Variants in DAAM1 observed in about 807,000 individuals in gnomAD.
The protein encoded by DAAM1 is disheveled-associated activator of morphogenesis 1.
A neutral mutation model predicts 130.0 loss-of-function variants in DAAM1; 52 were observed. The ratio of observed to expected loss-of-function variants is 0.40; its 90% CI spans 0.32 to 0.50. DAAM1 has a LOEUF of 0.50. Ranked by LOEUF, DAAM1 falls within the 20% of genes least tolerant of loss-of-function variation. The pLI is 0.61. For missense variants in DAAM1, 1,134 were observed against 1,303.8 expected, an observed-to-expected ratio of 0.87 and a Z score of 2.01; for synonymous variants, 452 against 444.5, an observed-to-expected ratio of 1.02 and a Z score of -0.21.
At chr14:59,266,440 A>G (rs1426300281) in intron 2 of DAAM1, among the ~76,000 whole-genome samples, 1 of 152,234 alleles carries the variant, frequency 6.6e-6, no homozygotes, top group African/African-American at 2.4e-5. Flanking sequence ...TCTTGAAGAC[A>G]GCTCATTGTT....
intron 1 of DAAM1, among the ~76,000 whole-genome samples, chr14:59,257,891 G>T (rs943396302): frequency 1.3e-5 from 2 of 152,046 alleles, no homozygotes; most frequent in African/African-American, 4.8e-5. Context: ...ACTTTGCAGG[G>T]CTGGTCCCAT....
chr14:59,227,267 T>C (rs1888970662), intron 1 of DAAM1, among the ~76,000 whole-genome samples: 1 of 152,166 alleles, frequency 6.6e-6, no homozygotes, highest in Non-Finnish European at 1.5e-5. Context: ...AAGGATGGTG[T>C]GGTGTACCTT....
intron 2 of DAAM1, among the ~76,000 whole-genome samples, chr14:59,283,791 C>G (rs1439346172): frequency 6.6e-6 from 1 of 152,104 alleles, no homozygotes; most frequent in Non-Finnish European, 1.5e-5. Flanking sequence ...TAACAAGATA[C>G]TGTGTAAGGT....
chr14:59,320,116 T>G (rs1566701358), intron 4 of DAAM1, among the ~76,000 whole-genome samples: 1 of 152,234 alleles, frequency 6.6e-6, no homozygotes, highest in Non-Finnish European at 1.5e-5. Flanking sequence ...GGCTGAGGAA[T>G]AGGAATGGTA....
intron 1 of DAAM1, among the ~76,000 whole-genome samples, chr14:59,201,747 T>A (rs968311355): frequency 6.7e-6 from 1 of 149,558 alleles, no homozygotes; most frequent in Non-Finnish European, 1.5e-5. Context: ...TGAGCCAAGA[T>A]GGTGTCACTC....
chr14:59,322,233 A>G (rs897078764), intron 5 of DAAM1, among the ~76,000 whole-genome samples: 1 of 152,126 alleles, frequency 6.6e-6, no homozygotes, highest in African/African-American at 2.4e-5. Flanking sequence ...ATAAAAGCGC[A>G]TGGGCCAGAC....
chr14:59,360,591 C>A, intron 21 of DAAM1: 1 of 377,392 alleles, frequency 2.6e-6, no homozygotes, highest in Non-Finnish European at 4.7e-6. Context: ...TAAAATATAC[C>A]TGCTGGCTAC....
At chr14:59,314,700 G>C (rs1358502457) in intron 3 of DAAM1, among the ~76,000 whole-genome samples, 1 of 152,200 alleles carries the variant, frequency 6.6e-6, no homozygotes, top group Non-Finnish European at 1.5e-5. Context: ...GTCACAGCAT[G>C]AGGGCTGCGC....
chr14:59,206,565 G>A (rs952870658), intron 1 of DAAM1, among the ~76,000 whole-genome samples: 3 of 152,218 alleles, frequency 2.0e-5, no homozygotes, highest in Non-Finnish European at 2.9e-5. Flanking sequence ...GTAAGCCACT[G>A]AGCCCGGCCA....
At chr14:59,219,188 C>T (rs1888688446) in intron 1 of DAAM1, among the ~76,000 whole-genome samples, 1 of 152,216 alleles carries the variant, frequency 6.6e-6, no homozygotes, top group Non-Finnish European at 1.5e-5. Flanking sequence ...CTTCCCCAAA[C>T]TTAAGCCTGT....
At chr14:59,288,711 T>C (rs1261622021) in intron 2 of DAAM1, among the ~76,000 whole-genome samples, 5 of 152,100 alleles carry the variant, frequency 3.3e-5, no homozygotes, top group Non-Finnish European at 7.4e-5. Context: ...GGCAATTTAC[T>C]AAGAAAAGAG....
At chr14:59,325,304 T>G (rs766508969) in intron 8 of DAAM1, among the ~76,000 whole-genome samples, 6 of 152,364 alleles carry the variant, frequency 3.9e-5, no homozygotes, top group Middle Eastern at 3.4e-3. Flanking sequence ...TCATTTCTTT[T>G]GTGATCTTTA....
At chr14:59,283,907 TAA>T (rs1308614930) in intron 2 of DAAM1, among the ~76,000 whole-genome samples, 5 of 152,278 alleles carry the variant, frequency 3.3e-5, no homozygotes, top group African/African-American at 1.2e-4. Flanking sequence ...GTGGAACTAA[TAA>T]AGTTTTTTGA....
chr14:59,283,518 G>T (rs1245277954), intron 2 of DAAM1, among the ~76,000 whole-genome samples: 1 of 152,132 alleles, frequency 6.6e-6, no homozygotes, highest in Non-Finnish European at 1.5e-5. Context: ...GTATGTGTGT[G>T]TTTTTGTGAT....
intron 1 of DAAM1, among the ~76,000 whole-genome samples, chr14:59,198,198 CT>C (rs1177376594): frequency 2.0e-3 from 288 of 147,408 alleles, no homozygotes; most frequent in African/African-American, 6.6e-3. Flanking sequence ...CTTTTCTTTT[CT>C]TTTCTTTCTT....
At chr14:59,241,616 T>G (rs1594775377) in intron 1 of DAAM1, among the ~76,000 whole-genome samples, 1 of 152,246 alleles carries the variant, frequency 6.6e-6, no homozygotes, top group South Asian at 2.1e-4. Context: ...ACTGCCATTT[T>G]GCTCCTTAAT....
chr14:59,349,071 T>TC (rs1338268836), intron 17 of DAAM1, among the ~76,000 whole-genome samples: 1 of 152,236 alleles, frequency 6.6e-6, no homozygotes, highest in Non-Finnish European at 1.5e-5. Flanking sequence ...CACGTACCCT[T>TC]CCCTCCCTTG....
At chr14:59,202,187 C>T (rs749614203) in intron 1 of DAAM1, among the ~76,000 whole-genome samples, 1 of 152,162 alleles carries the variant, frequency 6.6e-6, no homozygotes, top group Non-Finnish European at 1.5e-5. Flanking sequence ...TTCACAGCTA[C>T]CTCTGTGAGC....
intron 1 of DAAM1, among the ~76,000 whole-genome samples, chr14:59,217,821 A>G (rs1366666682): frequency 6.6e-6 from 1 of 152,136 alleles, no homozygotes; most frequent in East Asian, 1.9e-4. Context: ...AAAAAACCCA[A>G]AAAACAAAAA....
Sources: allele counts gnomAD v4.1 joint callset (sites outside exome capture counted in the v4.1 genomes callset), GRCh38; gene constraint gnomAD v4.1.1; transcripts MANE v1.5; gene names NCBI Gene and HGNC (gene_info 2026-07-23, HGNC 2026-07-21).